Variants in EMB observed in about 807,000 individuals in gnomAD.
The protein encoded by EMB is embigin.
EMB carries 31 observed loss-of-function variants against 41.4 expected under a neutral mutation model. The ratio of observed to expected loss-of-function variants is 0.75; its 90% CI spans 0.56 to 1.01. The LOEUF (loss-of-function observed/expected upper bound fraction) is 1.01, where lower values mean the gene tolerates loss of function less well. Among genes scored for constraint, EMB ranks in the 50% least tolerant of loss-of-function variants. EMB has a pLI of 0.00. For synonymous variants in EMB, 137 were observed against 140.4 expected (o/e 0.98, Z 0.17); for missense variants, 379 against 388.3 (o/e 0.98, Z 0.20).
In EMB at chr5:50,434,855, G is replaced by A. The variant is rs1316118883; in HGVS notation, c.112+6185C>T. Among the ~76,000 whole-genome samples, 4 of 152,300 alleles carry A rather than the reference G, an allele frequency of 2.6e-5. No individual in the cohort carries two copies. The East Asian group carries it at 7.7e-4, about 29-fold the overall frequency. ...AGGAGTAGAGTTTATTTTTAGCAAA[G>A]TGTTGTGAGGTTTGTTCTCCTACAT... On this transcript the variant is annotated intron_variant, in intron 1 of 8. Coordinates refer to ENST00000303221, the MANE Select transcript of EMB (RefSeq NM_198449.3).
At chr5:50,429,665 A>G (rs1745680806) in intron 1 of EMB, among the ~76,000 whole-genome samples, 1 of 152,222 alleles carries the variant, frequency 6.6e-6, no homozygotes, top group South Asian at 2.1e-4. Flanking sequence ...CTGCACATGT[A>G]TCTCAGAACT....
chr5:50,416,912 T>C (rs1745438742), intron 2 of EMB, among the ~76,000 whole-genome samples: 2 of 152,182 alleles, frequency 1.3e-5, no homozygotes, highest in Admixed American at 1.3e-4. Context: ...AATTTCTGAA[T>C]ACCTTGTCCC....
rs1451612596 is a variant in EMB, at chr5:50,397,825, C to A, written c.*1448G>T. 5 of 152,008 alleles carry A rather than the reference C, an allele frequency of 3.3e-5. No homozygotes were observed. Among genetic ancestry groups the A allele is most frequent in the South Asian group, 4.1e-4 (2 of 4,834 alleles). The allele number at this position is 152,008 out of a possible 1,614,324, so 9.4% of individuals were successfully genotyped here. ...CAAACTTATATGTGTAGTTAAGATG[C>A]TTTACAACAAAATATTGCATTTTGT... On this transcript the variant is annotated 3_prime_UTR_variant, in exon 9 of 9. Transcript: ENST00000303221.
At position 50,399,308 on chromosome 5, in the gene EMB, T is replaced by C. The variant is rs376273451; in HGVS notation, c.967-18A>G. 1.8e-5 allele frequency: 29 copies of C among 1,606,060 alleles called. No homozygotes were observed. In the South Asian group the frequency reaches 3.2e-4, roughly 18 times the overall value. On this transcript the variant is annotated intron_variant, in intron 8 of 8. Transcript: ENST00000303221. ...AGAGACTCCTGAGTTAAATAAAGCA[T>C]AATCAAATATAATTAGTATGTTCTG...
At chr5:50,426,061 C>T (rs1309744326) in intron 2 of EMB, among the ~76,000 whole-genome samples, 21 of 152,150 alleles carry the variant, frequency 1.4e-4, no homozygotes, top group Non-Finnish European at 5.9e-5. Context: ...TTTACTACAT[C>T]ATTTCAAAAC....
chr5:50,413,958 C>T (rs973164766), intron 2 of EMB, among the ~76,000 whole-genome samples: 1 of 151,950 alleles, frequency 6.6e-6, no homozygotes, highest in African/African-American at 2.4e-5. Context: ...TTATAAGATA[C>T]TCAAAAAATA....
At chr5:50,423,101 TA>T (rs569894607) in intron 2 of EMB, among the ~76,000 whole-genome samples, 3,681 of 138,296 alleles carry the variant, frequency 0.027, 67 homozygotes, top group African/African-American at 0.062. Context: ...GCATACAAAT[TA>T]AAAAAAAAAA....
intron 4 of EMB, among the ~76,000 whole-genome samples, chr5:50,409,552 T>C (rs972892529): frequency 2.0e-5 from 3 of 150,844 alleles, no homozygotes; most frequent in Non-Finnish European, 4.4e-5. Flanking sequence ...TTTTTGCTCA[T>C]TGGGAAGAAA....
chr5:50,425,769 C>T (rs13182174), intron 2 of EMB, among the ~76,000 whole-genome samples: 16,974 of 139,794 alleles, frequency 0.12, 1,121 homozygotes, highest in East Asian at 0.17. Context: ...CTGCAACCTC[C>T]GCCTCCCAGG....
intron 2 of EMB, among the ~76,000 whole-genome samples, chr5:50,427,874 C>G (rs1440682590): frequency 6.6e-6 from 1 of 152,134 alleles, no homozygotes; most frequent in Non-Finnish European, 1.5e-5. Context: ...AGAGTATCTG[C>G]AAATCAAAAT....
chr5:50,407,427 A>G (rs1745266641), intron 4 of EMB, among the ~76,000 whole-genome samples: 2 of 152,022 alleles, frequency 1.3e-5, no homozygotes, highest in Non-Finnish European at 2.9e-5. Flanking sequence ...CATCCCAACT[A>G]AATATTAAGA....
chr5:50,400,007 A>T, intron 7 of EMB, 94 bp from the exon 8 acceptor site: 1 of 764,410 alleles, frequency 1.3e-6, no homozygotes, highest in African/African-American at 1.8e-5. Context: ...TTAAAATGTA[A>T]AATGTCAATA....
chr5:50,427,318 T>G (rs1745628584), intron 2 of EMB, among the ~76,000 whole-genome samples: 1 of 152,044 alleles, frequency 6.6e-6, no homozygotes. Flanking sequence ...TCTTCAAATT[T>G]AAATTCTGTA....
chr5:50,428,149 A>G lies in EMB; in HGVS notation c.191T>C (p.Leu64Pro), dbSNP rs1365239976. ...TTGAAACATGATACATTTACCAGTC[A>G]GTGATATGTTATGACTCTCCAAGGA... The part of the protein sequence containing the change: ...NFSLESHNIS[L>P]TEHSSMPVEK... Residue 64 changes from leucine to proline, a missense_variant, in exon 2 of 9, where the codon CTG becomes CCG. Coordinates refer to ENST00000303221, the MANE Select transcript of EMB (RefSeq NM_198449.3). The G allele has an allele frequency of 6.3e-7, 1 of 1,596,852 alleles. No individual in the cohort carries two copies. Among genetic ancestry groups the G allele is most frequent in the Admixed American group, 1.7e-5 (1 of 58,076 alleles).
At chr5:50,425,979 T>C (rs551768552) in intron 2 of EMB, among the ~76,000 whole-genome samples, 1 of 152,302 alleles carries the variant, frequency 6.6e-6, no homozygotes, top group African/African-American at 2.4e-5. Context: ...ATGCAACTTC[T>C]AAAGCAATAG....
intron 2 of EMB, among the ~76,000 whole-genome samples, chr5:50,419,987 C>G (rs892446452): frequency 6.6e-6 from 1 of 151,912 alleles, no homozygotes; most frequent in African/African-American, 2.4e-5. Flanking sequence ...AATAAGAACA[C>G]ATGGACACAG....
At chr5:50,439,477 C>A (rs1433099075) in intron 1 of EMB, among the ~76,000 whole-genome samples, 3 of 142,418 alleles carry the variant, frequency 2.1e-5, no homozygotes, top group African/African-American at 8.2e-5. Flanking sequence ...TCACCACAAC[C>A]GCACTTTTAA....
In EMB at chr5:50,428,152, GAT is replaced by G; in HGVS notation, c.186_187del (p.Ser63ThrfsTer3). On this transcript the variant is annotated frameshift_variant, in exon 2 of 9. Transcript: ENST00000303221. LOFTEE classifies it high-confidence loss of function. ...AAACATGATACATTTACCAGTCAGT[GAT>G]ATGTTATGACTCTCCAAGGAAAAGT... is the stretch of plus-strand genomic sequence containing the variant. 1 of 1,600,632 alleles carries G rather than the reference GAT, an allele frequency of 6.2e-7. No individual in the cohort carries two copies. Among genetic ancestry groups the G allele is most frequent in the East Asian group, 2.2e-5 (1 of 44,766 alleles).
intron 2 of EMB, chr5:50,411,682 G>A: frequency 5.8e-6 from 1 of 173,122 alleles, no homozygotes. Flanking sequence ...TATAACATGT[G>A]CCGTATGCTC....
Sources: gnomAD v4.1 joint callset for allele counts (sites outside exome capture counted in the v4.1 genomes callset) on GRCh38, gnomAD v4.1.1 for gene constraint, MANE v1.5 for transcripts, NCBI Gene and HGNC (gene_info 2026-07-23, HGNC 2026-07-21) for gene names.